TUSC3: variants seen among roughly 807,000 people sequenced by gnomAD.
The protein encoded by TUSC3 is tumor suppressor candidate 3.
Under a neutral mutation model 44.8 loss-of-function variants are expected in TUSC3, and 45 were observed. That is an observed-to-expected ratio of 1.00 (90% CI 0.79 to 1.29). The LOEUF is 1.29. Among genes scored for constraint, TUSC3 ranks in the 50% most tolerant of loss-of-function variants. The probability of loss-of-function intolerance (pLI) is 0.00; values close to 1 mark genes in which losing one functional copy is unlikely to be tolerated. For synonymous variants in TUSC3, 212 were observed against 152.9 expected, an observed-to-expected ratio of 1.39 and a Z score of -2.85; for missense variants, 519 against 437.9, an observed-to-expected ratio of 1.19 and a Z score of -1.65.
chr8:15,777,400 ATTTATCATATC>A, the TUSC3 span, among the ~76,000 whole-genome samples: 2 of 152,060 alleles, frequency 1.3e-5, no homozygotes, highest in Non-Finnish European at 1.5e-5. Flanking sequence ...ATAAAGGGAG[ATTTATCATATC>A]TTGGTGCCAA....
intron 1 of TUSC3, among the ~76,000 whole-genome samples, chr8:15,552,403 G>GT (rs1802089428): frequency 6.6e-6 from 1 of 151,652 alleles, no homozygotes; most frequent in Non-Finnish European, 1.5e-5. Flanking sequence ...ACTGCTCATA[G>GT]TTCAGTGGGA....
the TUSC3 span, among the ~76,000 whole-genome samples, chr8:15,837,629 C>A: frequency 2.2e-4 from 34 of 152,226 alleles, no homozygotes; most frequent in East Asian, 6.4e-3. Flanking sequence ...GCCAGCCGAA[C>A]TCACATTTAA....
chr8:15,645,407 C>G (rs1204254620), intron 2 of TUSC3, among the ~76,000 whole-genome samples: 1 of 152,072 alleles, frequency 6.6e-6, no homozygotes, highest in Non-Finnish European at 1.5e-5. Flanking sequence ...TCCTTCCAGA[C>G]ATACCACCAT....
At chr8:15,735,716 A>G (rs1004744842) in intron 7 of TUSC3, among the ~76,000 whole-genome samples, 9 of 152,170 alleles carry the variant, frequency 5.9e-5, no homozygotes, top group Non-Finnish European at 1.2e-4. Flanking sequence ...TTATTTTTTG[A>G]GACGGAGTCT....
intron 1 of TUSC3, among the ~76,000 whole-genome samples, chr8:15,621,442 A>G (rs1490763965): frequency 6.7e-6 from 1 of 149,882 alleles, no homozygotes; most frequent in African/African-American, 2.4e-5. Context: ...GCAGAGAGAT[A>G]AGTTATCATT....
intron 6 of TUSC3, among the ~76,000 whole-genome samples, chr8:15,697,655 G>C (rs1809227994): frequency 6.6e-6 from 1 of 152,174 alleles, no homozygotes; most frequent in Non-Finnish European, 1.5e-5. Flanking sequence ...GAAGTGCATA[G>C]AAAATGACCA....
chr8:15,443,339 T>TGTGTGA (rs1262208374), intron 1 of TUSC3, among the ~76,000 whole-genome samples: 13 of 33,114 alleles, frequency 3.9e-4, no homozygotes, highest in Non-Finnish European at 9.6e-4. Context: ...CACCTAATTG[T>TGTGTGA]GTGTGTGTGT....
intron 2 of TUSC3, among the ~76,000 whole-genome samples, chr8:15,626,971 C>T (rs956229912): frequency 1.5e-3 from 1 of 684 alleles, no homozygotes; most frequent in African/African-American, 7.9e-3. Flanking sequence ...CTTGGGAGGG[C>T]CTGAAGCCTG....
At chr8:15,477,941 T>C (rs1265226646) in intron 1 of TUSC3, among the ~76,000 whole-genome samples, 4 of 152,126 alleles carry the variant, frequency 2.6e-5, no homozygotes, top group African/African-American at 9.7e-5. Flanking sequence ...ATTTTCTTTT[T>C]TAAAAATTTA....
chr8:15,469,343 C>A (rs189067888), intron 1 of TUSC3, among the ~76,000 whole-genome samples: 2 of 151,846 alleles, frequency 1.3e-5, no homozygotes, highest in African/African-American at 4.8e-5. Flanking sequence ...AAAAATGGGC[C>A]GAAGATCTGA....
intron 4 of TUSC3, among the ~76,000 whole-genome samples, chr8:15,661,693 C>G (rs947407497): frequency 2.0e-5 from 3 of 151,838 alleles, no homozygotes; most frequent in African/African-American, 7.2e-5. Context: ...AAAAGCTATA[C>G]TATACTACAG....
chr8:15,554,827 G>A (rs1000881627), intron 1 of TUSC3, among the ~76,000 whole-genome samples: 2 of 150,750 alleles, frequency 1.3e-5, no homozygotes, highest in South Asian at 2.1e-4. Flanking sequence ...GGATGGTGTC[G>A]ATCTCCTGAC....
At chr8:15,820,707 C>A in the TUSC3 span, among the ~76,000 whole-genome samples, 3 of 152,128 alleles carry the variant, frequency 2.0e-5, no homozygotes, top group African/African-American at 7.2e-5. Flanking sequence ...TAATTGCACT[C>A]TTCCTATTTT....
At chr8:15,452,347 A>G (rs1243006432) in intron 1 of TUSC3, among the ~76,000 whole-genome samples, 1 of 152,220 alleles carries the variant, frequency 6.6e-6, no homozygotes, top group Non-Finnish European at 1.5e-5. Context: ...AATTTGGATG[A>G]ATTTGTAAAT....
chr8:15,464,500 T>A (rs923109544), intron 1 of TUSC3, among the ~76,000 whole-genome samples: 14 of 152,220 alleles, frequency 9.2e-5, no homozygotes, highest in Non-Finnish European at 1.8e-4. Context: ...TGATGCTTTC[T>A]ATCTAGTGAT....
intron 1 of TUSC3, among the ~76,000 whole-genome samples, chr8:15,440,864 C>A (rs946394844): frequency 6.6e-6 from 1 of 152,086 alleles, no homozygotes; most frequent in Non-Finnish European, 1.5e-5. Flanking sequence ...CTAGCAACTG[C>A]CTCCCCAGAT....
At chr8:15,836,290 T>C in the TUSC3 span, among the ~76,000 whole-genome samples, 5 of 151,184 alleles carry the variant, frequency 3.3e-5, no homozygotes, top group South Asian at 2.1e-4. Flanking sequence ...AGCCTGACCA[T>C]TGTGGTGAAA....
At chr8:15,502,180 A>G (rs932684684) in intron 2 of TUSC3, among the ~76,000 whole-genome samples, 5 of 152,202 alleles carry the variant, frequency 3.3e-5, no homozygotes, top group African/African-American at 9.6e-5. Context: ...ATTGCAAACT[A>G]TGATTTTTGT....
At chr8:15,609,902 A>C (rs1327024139) in intron 1 of TUSC3, among the ~76,000 whole-genome samples, 2 of 152,088 alleles carry the variant, frequency 1.3e-5, no homozygotes, top group Non-Finnish European at 2.9e-5. Flanking sequence ...ATTACTATGA[A>C]TATATTACCT....
Sources: gnomAD v4.1 joint callset for allele counts (sites outside exome capture counted in the v4.1 genomes callset) on GRCh38, gnomAD v4.1.1 for gene constraint, MANE v1.5 for transcripts, NCBI Gene and HGNC (gene_info 2026-07-23, HGNC 2026-07-21) for gene names.